The following GTF2F2 variants were observed in gnomAD, a reference collection of about 807,000 sequenced individuals.
GTF2F2 encodes the protein general transcription factor IIF subunit 2.
In GTF2F2, 23 loss-of-function variants were observed where a neutral mutation model predicts 42.2. The observed-to-expected ratio is 0.55, with a 90% confidence interval of 0.39 to 0.77. GTF2F2 has a LOEUF of 0.77. Among genes scored for constraint, GTF2F2 ranks in the 30% least tolerant of loss-of-function variants. GTF2F2 has a pLI of 0.00. For synonymous variants in GTF2F2, 105 were observed against 100.8 expected, an observed-to-expected ratio of 1.04 and a Z score of -0.25; for missense variants, 261 against 287.2, an observed-to-expected ratio of 0.91 and a Z score of 0.66.
At chr13:45,166,360 C>T (rs1461825500) in intron 4 of GTF2F2, among the ~76,000 whole-genome samples, 1 of 152,140 alleles carries the variant, frequency 6.6e-6, no homozygotes, top group Non-Finnish European at 1.5e-5. Flanking sequence ...ATAGCATCCC[C>T]TGGTGAAGAT....
chr13:45,273,726 C>T (rs1876903802), intron 7 of GTF2F2, among the ~76,000 whole-genome samples: 1 of 140,806 alleles, frequency 7.1e-6, no homozygotes, highest in South Asian at 2.2e-4. Context: ...GCGATCTCGG[C>T]TCACTGCAAC....
At chr13:45,150,664 C>CTTTTTTT (rs368061537) in intron 3 of GTF2F2, among the ~76,000 whole-genome samples, 4 of 122,460 alleles carry the variant, frequency 3.3e-5, no homozygotes, top group African/African-American at 3.7e-5. Context: ...AAAAAATCAT[C>CTTTTTTT]TTTTTTTTTT....
chr13:45,214,007 CCTATT>C (rs769105033), intron 5 of GTF2F2, among the ~76,000 whole-genome samples: 66 of 152,174 alleles, frequency 4.3e-4, no homozygotes, highest in Non-Finnish European at 8.7e-4. Context: ...TCAAAAAAGA[CCTATT>C]CTTAAGTCAA....
intron 4 of GTF2F2, among the ~76,000 whole-genome samples, chr13:45,183,870 T>G (rs1420043169): frequency 1.5e-4 from 23 of 152,054 alleles, no homozygotes. Context: ...TTTTTTTCTT[T>G]TTTGAGACAG....
intron 2 of GTF2F2, among the ~76,000 whole-genome samples, chr13:45,137,768 A>G (rs1869704060): frequency 6.6e-6 from 1 of 152,262 alleles, no homozygotes; most frequent in African/African-American, 2.4e-5. Flanking sequence ...CACATGGCCA[A>G]GCCCAGATTC....
At position 45,283,531 on chromosome 13, in the gene GTF2F2, A is replaced by C; in HGVS notation, c.720A>C (p.Arg240Ser). ...KNTWELKPEY[R>S]HYQGEEKSD ...CATGGGAGCTGAAGCCAGAGTACAG[A>C]CACTATCAAGGAGAAGAAAAGAGTG... The change falls in exon 8 of 8, where the codon AGA becomes AGC. Residue 240 changes from arginine to serine, a missense_variant. By Grantham distance (110) the Arg-to-Ser change is moderately radical. Coordinates refer to ENST00000340473, the MANE Select transcript of GTF2F2 (RefSeq NM_004128.3). 1 of 1,613,042 alleles carries C rather than the reference A, an allele frequency of 6.2e-7. No homozygotes were observed. The highest frequency in any genetic ancestry group is 8.5e-7 in the Non-Finnish European group (1 of 1,179,366).
intron 1 of GTF2F2, among the ~76,000 whole-genome samples, chr13:45,131,350 CGAGA>C (rs1317637464): frequency 6.6e-6 from 1 of 151,926 alleles, no homozygotes; most frequent in African/African-American, 2.4e-5. Context: ...AGGGAGAAAT[CGAGA>C]GAGTGTGATT....
At chr13:45,258,854 T>C (rs1876209578) in intron 6 of GTF2F2, among the ~76,000 whole-genome samples, 1 of 152,206 alleles carries the variant, frequency 6.6e-6, no homozygotes, top group Non-Finnish European at 1.5e-5. Flanking sequence ...CTCACAAAGG[T>C]GTATAATCAA....
intron 7 of GTF2F2, among the ~76,000 whole-genome samples, chr13:45,279,025 T>C (rs1232361894): frequency 6.6e-6 from 1 of 152,060 alleles, no homozygotes; most frequent in Non-Finnish European, 1.5e-5. Flanking sequence ...GGTTTCTCCA[T>C]GTTGGCCGGC....
intron 5 of GTF2F2, among the ~76,000 whole-genome samples, chr13:45,230,954 A>T (rs1048584208): frequency 6.6e-6 from 1 of 151,918 alleles, no homozygotes; most frequent in African/African-American, 2.4e-5. Flanking sequence ...TTTTTATAAG[A>T]TTGGAGTAGA....
chr13:45,275,078 C>G (rs764267723), intron 7 of GTF2F2, among the ~76,000 whole-genome samples: 1 of 152,130 alleles, frequency 6.6e-6, no homozygotes, highest in Admixed American at 6.6e-5. Flanking sequence ...TACAGGGAAC[C>G]ACTAATGTTA....
intron 4 of GTF2F2, among the ~76,000 whole-genome samples, chr13:45,183,122 G>A (rs1055747439): frequency 3.3e-5 from 5 of 152,092 alleles, no homozygotes; most frequent in African/African-American, 1.2e-4. Context: ...TCACATAGTG[G>A]TTAAGAGCTT....
At chr13:45,164,672 A>G (rs1370251166) in intron 4 of GTF2F2, among the ~76,000 whole-genome samples, 1 of 152,002 alleles carries the variant, frequency 6.6e-6, no homozygotes, top group African/African-American at 2.4e-5. Context: ...TACAGTGAGT[A>G]CAGTGATTGT....
At chr13:45,233,822 A>G (rs1305958989) in intron 5 of GTF2F2, among the ~76,000 whole-genome samples, 1 of 152,134 alleles carries the variant, frequency 6.6e-6, no homozygotes, top group Non-Finnish European at 1.5e-5. Context: ...CTGAGGTGGG[A>G]GGATCACTTG....
chr13:45,142,743 CTT>C (rs1290648696), intron 2 of GTF2F2, among the ~76,000 whole-genome samples: 1 of 152,166 alleles, frequency 6.6e-6, no homozygotes, highest in Non-Finnish European at 1.5e-5. Flanking sequence ...TCCAGGCTGT[CTT>C]GTTTACTTTA....
chr13:45,144,071 G>T (rs1046162467), intron 2 of GTF2F2, among the ~76,000 whole-genome samples: 1 of 151,996 alleles, frequency 6.6e-6, no homozygotes, highest in Non-Finnish European at 1.5e-5. Flanking sequence ...GGCCAACGTG[G>T]TGAAACCCCG....
chr13:45,151,898 A>C, intron 4 of GTF2F2, 67 bp downstream of exon 4: 1 of 636,776 alleles, frequency 1.6e-6, no homozygotes, highest in Non-Finnish European at 2.5e-6. Flanking sequence ...GTCTCAACAT[A>C]CACTCCTATT....
At chr13:45,269,469 C>T (rs1296218253) in intron 7 of GTF2F2, among the ~76,000 whole-genome samples, 1 of 152,146 alleles carries the variant, frequency 6.6e-6, no homozygotes, top group East Asian at 1.9e-4. Flanking sequence ...AGTCCATTGA[C>T]TGGGAAAGAA....
chr13:45,231,489 GGAGA>G (rs1204936358), intron 5 of GTF2F2, among the ~76,000 whole-genome samples: 2 of 152,240 alleles, frequency 1.3e-5, no homozygotes, highest in African/African-American at 2.4e-5. Context: ...TCCTCTCAAT[GGAGA>G]GAGAGAGACC....
Sources: gnomAD v4.1 joint callset for allele counts (sites outside exome capture counted in the v4.1 genomes callset) on GRCh38, gnomAD v4.1.1 for gene constraint, MANE v1.5 for transcripts, NCBI Gene and HGNC (gene_info 2026-07-23, HGNC 2026-07-21) for gene names.